The following ABCB1 variants were observed in gnomAD, a reference collection of about 807,000 sequenced individuals.
ABCB1 encodes ATP-dependent translocase ABCB1.
Under a neutral mutation model 142.0 loss-of-function variants are expected in ABCB1, and 69 were observed. That is an observed-to-expected ratio of 0.49 (90% confidence interval 0.40 to 0.59). ABCB1 has a LOEUF of 0.59. Among genes scored for constraint, ABCB1 ranks in the 20% least tolerant of loss-of-function variants. The pLI is 0.00. For synonymous variants in ABCB1, 532 were observed against 539.2 expected, an observed-to-expected ratio of 0.99 and a Z score of 0.18; for missense variants, 1,326 against 1,554.7, an observed-to-expected ratio of 0.85 and a Z score of 2.47.
chr7:87,653,062 C>T (rs532253861), intron 1 of ABCB1, among the ~76,000 whole-genome samples: 8 of 151,946 alleles, frequency 5.3e-5, no homozygotes, highest in African/African-American at 1.2e-4. Context: ...CTAAAAGCCC[C>T]GTTATTGAAG....
At chr7:87,708,406 A>T (rs1414489993) in intron 1 of ABCB1, among the ~76,000 whole-genome samples, 1 of 152,140 alleles carries the variant, frequency 6.6e-6, no homozygotes, top group Admixed American at 6.5e-5. Flanking sequence ...AAGAAATGGG[A>T]AATTTCTTTT....
At chr7:87,667,002 A>G (rs1825319998) in intron 1 of ABCB1, among the ~76,000 whole-genome samples, 1 of 152,116 alleles carries the variant, frequency 6.6e-6, no homozygotes, top group Non-Finnish European at 1.5e-5. Flanking sequence ...GAATTTTAAA[A>G]TGGTTTTTAT....
Position 87,589,805 on chromosome 7 carries a change from G to GGAGAGAGAGAGAGAGAGAGA in ABCB1, c.118-4145_118-4126dup, listed in dbSNP as rs370840500. ...AAAAAAAGAAAGAGAGAGAGAGAGA[G>GGAGAGAGAGAGAGAGAGAGA]GAGAGAGAGAGAGAGAGAGAGAGAG... On this transcript the variant is annotated intron_variant, in intron 3 of 27. Coordinates refer to ENST00000622132, the MANE Select transcript of ABCB1 (RefSeq NM_001348946.2). Among the ~76,000 whole-genome samples the GGAGAGAGAGAGAGAGAGAGA allele has an allele frequency of 7.2e-4, 76 of 105,370 alleles. 1 individual carries two copies. The highest frequency in any genetic ancestry group is 2.5e-3 in the African/African-American group (42 of 17,006). 69.1% of individuals were successfully genotyped at this position (105,370 alleles called of 152,430 possible). A position where few individuals can be genotyped will look rare whatever the true frequency, so the allele number is the denominator to read the frequency against.
intron 1 of ABCB1, among the ~76,000 whole-genome samples, chr7:87,628,186 G>C (rs1160712762): frequency 6.6e-6 from 1 of 152,190 alleles, no homozygotes; most frequent in African/African-American, 2.4e-5. Context: ...CGGCTAGCCT[G>C]TGTGGCTACT....
At chr7:87,604,455 A>G (rs974603963), upstream of ABCB1, among the ~76,000 whole-genome samples, 1 of 152,160 alleles carries the variant, frequency 6.6e-6, no homozygotes, top group African/African-American at 2.4e-5. Flanking sequence ...CAATAACACA[A>G]TAATAAGGGA....
intron 3 of ABCB1, among the ~76,000 whole-genome samples, chr7:87,591,962 G>A (rs904487815): frequency 6.6e-6 from 1 of 152,090 alleles, no homozygotes; most frequent in Admixed American, 6.6e-5. Context: ...CATAACAGAA[G>A]CAAATACAAA....
In ABCB1 at chr7:87,626,300, T is replaced by TATATATGTGTCGTATATGTGTC. The variant is rs1820518037; in HGVS notation, c.-330-25244_-330-25223dup. On this transcript the variant is annotated intron_variant, in intron 1 of 28. Transcript: ENST00000265724. ...ATATATATGTGTCATATATGTGTCA[T>TATATATGTGTCGTATATGTGTC]ATATATGTGTCGTATATGTGTCATA... Among the ~76,000 whole-genome samples, 3 of 44,068 alleles carry TATATATGTGTCGTATATGTGTC rather than the reference T, an allele frequency of 6.8e-5. 1 individual carries two copies. The highest frequency in any genetic ancestry group is 1.1e-4 in the Non-Finnish European group (3 of 26,604). 28.9% of individuals were successfully genotyped at this position (44,068 alleles called of 152,430 possible).
At chr7:87,675,694 A>T (rs1237791001) in intron 1 of ABCB1, among the ~76,000 whole-genome samples, 3 of 151,058 alleles carry the variant, frequency 2.0e-5, no homozygotes, top group Non-Finnish European at 4.4e-5. Context: ...GAAGGAAAGA[A>T]AGAAAACAAA....
At chr7:87,693,677 A>G (rs1457219092) in intron 1 of ABCB1, among the ~76,000 whole-genome samples, 1 of 152,202 alleles carries the variant, frequency 6.6e-6, no homozygotes, top group Non-Finnish European at 1.5e-5. Context: ...TGACTTACAG[A>G]CACCTTAGCC....
At chr7:87,690,420 CA>C (rs1827902144) in intron 1 of ABCB1, among the ~76,000 whole-genome samples, 2 of 152,140 alleles carry the variant, frequency 1.3e-5, no homozygotes, top group South Asian at 2.1e-4. Flanking sequence ...TTTAGGTACT[CA>C]GTATTTTAAA....
chr7:87,533,158 T>C (rs1463486806), intron 20 of ABCB1, among the ~76,000 whole-genome samples: 2 of 152,182 alleles, frequency 1.3e-5, no homozygotes, highest in East Asian at 3.9e-4. Context: ...GCCAGCTCTC[T>C]GCATTTCACA....
In ABCB1 at chr7:87,505,947, T is replaced by C. The variant is rs1366730591; in HGVS notation, c.3586A>G (p.Ile1196Val). ...GACGTGGCTTCATCCAAAAGCAAAATATGAGGCTGTCTAACAAGGGCACGA... is the reference window on the plus strand; with the variant it reads ...GACGTGGCTTCATCCAAAAGCAAAACATGAGGCTGTCTAACAAGGGCACGA... ...IARALVRQPH[I>V]LLLDEATSAL... is the part of the protein sequence containing the mutation. The change falls in exon 27 of 28, where the codon ATT (isoleucine) becomes GTT (valine). Residue 1196 changes from isoleucine to valine, a missense_variant. Physicochemically the swap from Ile to Val is conservative, Grantham distance 29. Transcript: ENST00000622132. 3.1e-6 allele frequency: 5 copies of C among 1,614,188 alleles called. No individual in the cohort carries two copies. The South Asian group carries it at 3.3e-5, about 11-fold the overall frequency.
intron 4 of ABCB1, among the ~76,000 whole-genome samples, chr7:87,576,389 T>C (rs1818275397): frequency 6.7e-6 from 1 of 149,804 alleles, no homozygotes; most frequent in African/African-American, 2.4e-5. Context: ...GAGCTATACA[T>C]ATACACACAC....
chr7:87,516,397 GTTTTA>G lies in ABCB1; in HGVS notation c.3084+107_3084+111del, dbSNP rs970732032. ...TTGAAAGGAATCTATGATCTAGGAA[GTTTTA>G]TTTTATCATCAGCATATTTGAAAGT... On this transcript the variant is annotated intron_variant, in intron 24 of 27. Transcript: ENST00000622132. 6.6e-5 allele frequency: 92 copies of G among 1,390,652 alleles called. No individual in the cohort carries two copies. In the Middle Eastern group the frequency reaches 8.8e-4, roughly 13 times the overall value. 86.1% of individuals were successfully genotyped at this position (1,390,652 alleles called of 1,614,324 possible).
rs972868031 is a variant in ABCB1, at chr7:87,595,498, G to C, written c.117+268C>G. On this transcript the variant is annotated intron_variant, in intron 3 of 27. Transcript: ENST00000622132. Reference sequence around the variant, plus strand: ...GGTTTCCTCTATGCAGATGGGAGAGGTGCTTGTGTAGGTAATGGATCACTG... The same window carrying C: ...GGTTTCCTCTATGCAGATGGGAGAGCTGCTTGTGTAGGTAATGGATCACTG... Among the ~76,000 whole-genome samples the C allele has an allele frequency of 2.0e-5, 3 of 152,056 alleles. No homozygotes were observed. In the East Asian group the frequency reaches 5.8e-4, roughly 29 times the overall value.
intron 1 of ABCB1, among the ~76,000 whole-genome samples, chr7:87,680,253 C>T (rs1826794714): frequency 6.6e-6 from 1 of 150,540 alleles, no homozygotes; most frequent in Admixed American, 6.6e-5. Context: ...GTATGTGCCA[C>T]ATTTTCTTAA....
In ABCB1 at chr7:87,519,343, G is replaced by A. The variant is rs1428721829; in HGVS notation, c.2910C>T (p.Ser970=). 2 of 1,614,004 alleles carry A rather than the reference G, an allele frequency of 1.2e-6. No individual in the cohort carries two copies. Among genetic ancestry groups the A allele is most frequent in the Non-Finnish European group, 8.5e-7 (1 of 1,179,920 alleles). Residue 970 remains serine, a synonymous_variant, in exon 23 of 28, where the codon AGC becomes AGT. Transcript: ENST00000622132. Reference sequence around the variant, plus strand: ...ATACTTACAACAGAACATCCTCAAAGCTCATGAGTTTATGTGCCACCAAGT... The same window carrying A: ...ATACTTACAACAGAACATCCTCAAAACTCATGAGTTTATGTGCCACCAAGT... The part of the protein sequence containing the change: ...GAYLVAHKLM[S]FEDVLLVFSA...
At chr7:87,662,846 A>G (rs184160259) in intron 1 of ABCB1, among the ~76,000 whole-genome samples, 364 of 152,224 alleles carry the variant, frequency 2.4e-3, no homozygotes, top group Middle Eastern at 0.014. Context: ...TTTGAGTAGT[A>G]TGGGCATTTT....
intron 1 of ABCB1, among the ~76,000 whole-genome samples, chr7:87,648,049 G>T (rs954707501): frequency 3.3e-5 from 5 of 151,946 alleles, no homozygotes; most frequent in Non-Finnish European, 5.9e-5. Context: ...GCCGGGCTTG[G>T]TGGTGGGCGC....
Sources: allele counts gnomAD v4.1 joint callset (sites outside exome capture counted in the v4.1 genomes callset), GRCh38; gene constraint gnomAD v4.1.1; transcripts MANE v1.5; gene names NCBI Gene and HGNC (gene_info 2026-07-23, HGNC 2026-07-21).